The following NCKAP5 variants were observed in gnomAD, a reference collection of about 807,000 sequenced individuals.
NCKAP5 encodes NCK associated protein 5, also known as nck-associated protein 5.
A neutral mutation model predicts 167.0 loss-of-function variants in NCKAP5; 92 were observed. That is an observed-to-expected ratio of 0.55 (90% confidence interval 0.47 to 0.66). The LOEUF (loss-of-function observed/expected upper bound fraction) is 0.66. Ranked by LOEUF, NCKAP5 falls within the 30% of genes least tolerant of loss-of-function variation. The pLI, the probability that NCKAP5 is intolerant of heterozygous loss-of-function variation, is 0.00. For missense variants in NCKAP5, 2,378 were observed against 2,315.0 expected, an observed-to-expected ratio of 1.03 and a Z score of -0.56; for synonymous variants, 891 against 877.4, an observed-to-expected ratio of 1.02 and a Z score of -0.27.
chr2:132,846,134 C>T (rs1445451263), intron 11 of NCKAP5, among the ~76,000 whole-genome samples: 1 of 151,824 alleles, frequency 6.6e-6, no homozygotes, highest in Non-Finnish European at 1.5e-5. Flanking sequence ...TATCAGCGTA[C>T]CTTGGTGAAC....
At chr2:133,287,745 C>T (rs1279913007) in intron 4 of NCKAP5, among the ~76,000 whole-genome samples, 1 of 152,038 alleles carries the variant, frequency 6.6e-6, no homozygotes, top group East Asian at 1.9e-4. Flanking sequence ...GAAGACTGGG[C>T]CCAGGTGGGC....
At chr2:133,134,695 A>G (rs2082727288) in intron 5 of NCKAP5, among the ~76,000 whole-genome samples, 1 of 152,212 alleles carries the variant, frequency 6.6e-6, no homozygotes, top group Admixed American at 6.5e-5. Flanking sequence ...TAGCCTACAC[A>G]TAGCAACAGA....
At chr2:133,512,713 T>C (rs541171981) in intron 3 of NCKAP5, among the ~76,000 whole-genome samples, 22 of 152,318 alleles carry the variant, frequency 1.4e-4, no homozygotes, top group African/African-American at 4.8e-4. Flanking sequence ...GAAGTTTCCC[T>C]GGGAGAAAAA....
At chr2:133,647,473 G>GAAGGGAAGGGAAGGAAAGGA in the NCKAP5 span, among the ~76,000 whole-genome samples, 1 of 62,600 alleles carries the variant, frequency 1.6e-5, no homozygotes, top group African/African-American at 7.5e-5. Flanking sequence ...AAGGGCAAGG[G>GAAGGGAAGGGAAGGAAAGGA]AAGGAAAGGA....
intron 3 of NCKAP5, among the ~76,000 whole-genome samples, chr2:133,404,898 C>T (rs1362745418): frequency 6.6e-6 from 1 of 152,158 alleles, no homozygotes; most frequent in Non-Finnish European, 1.5e-5. Flanking sequence ...TATCAGTTCT[C>T]GACCAGCATT....
At chr2:133,172,857 C>G (rs562261891) in intron 5 of NCKAP5, among the ~76,000 whole-genome samples, 80 of 152,160 alleles carry the variant, frequency 5.3e-4, no homozygotes, top group Admixed American at 2.3e-3. Context: ...CTGTGTTAGC[C>G]AGGGTAGTCT....
At chr2:133,253,510 C>A (rs191806427) in intron 4 of NCKAP5, among the ~76,000 whole-genome samples, 1 of 152,164 alleles carries the variant, frequency 6.6e-6, no homozygotes. Context: ...TCTCTACCAC[C>A]CAAGGCTTCC....
intron 8 of NCKAP5, among the ~76,000 whole-genome samples, chr2:132,953,651 A>G (rs2076260709): frequency 6.6e-6 from 1 of 151,886 alleles, no homozygotes; most frequent in Non-Finnish European, 1.5e-5. Flanking sequence ...AGACAGGCAG[A>G]CAGAGAGAGA....
At chr2:133,318,334 T>C (rs750951089) in intron 3 of NCKAP5, among the ~76,000 whole-genome samples, 7 of 152,220 alleles carry the variant, frequency 4.6e-5, no homozygotes, top group Non-Finnish European at 1.0e-4. Context: ...AAATACAATC[T>C]GTTTCTTGGC....
chr2:133,074,753 G>A (rs1160401312), intron 6 of NCKAP5, among the ~76,000 whole-genome samples: 1 of 152,066 alleles, frequency 6.6e-6, no homozygotes, highest in Admixed American at 6.6e-5. Context: ...GGGATAGGAA[G>A]GAATCAATAA....
chr2:132,717,944 C>A (rs1689528540), intron 19 of NCKAP5, among the ~76,000 whole-genome samples: 1 of 152,112 alleles, frequency 6.6e-6, no homozygotes, highest in South Asian at 2.1e-4. Flanking sequence ...GATCTATAGA[C>A]CCTACTGGGA....
intron 3 of NCKAP5, among the ~76,000 whole-genome samples, chr2:133,453,851 C>T (rs1180275456): frequency 6.6e-6 from 1 of 151,776 alleles, no homozygotes; most frequent in African/African-American, 2.4e-5. Flanking sequence ...GATAGATTTG[C>T]AAAAAATTAA....
chr2:132,714,997 T>C, intron 19 of NCKAP5: 1 of 413,472 alleles, frequency 2.4e-6, no homozygotes, highest in Non-Finnish European at 4.8e-6. Context: ...ACATTTGTCC[T>C]GGTTTTTCCC....
chr2:133,141,418 A>G (rs1029878945), intron 5 of NCKAP5, among the ~76,000 whole-genome samples: 1 of 152,062 alleles, frequency 6.6e-6, no homozygotes, highest in African/African-American at 2.4e-5. Context: ...AGGAAAAAAA[A>G]AAAACACAAC....
At chr2:133,470,128 C>A (rs1378681246) in intron 3 of NCKAP5, among the ~76,000 whole-genome samples, 1 of 152,122 alleles carries the variant, frequency 6.6e-6, no homozygotes, top group Non-Finnish European at 1.5e-5. Context: ...TGCTTTTTCC[C>A]CATCTTTGTG....
At chr2:133,616,114 A>G in the NCKAP5 span, among the ~76,000 whole-genome samples, 54 of 152,116 alleles carry the variant, frequency 3.5e-4, no homozygotes, top group Non-Finnish European at 6.0e-4. Flanking sequence ...GAGAACAAAG[A>G]CACTACATAC....
chr2:132,697,646 T>C (rs376071855), intron 19 of NCKAP5, among the ~76,000 whole-genome samples: 304 of 152,108 alleles, frequency 2.0e-3, no homozygotes, highest in African/African-American at 7.1e-3. Flanking sequence ...GCTAAGTGTA[T>C]GTACACGATG....
At chr2:133,560,679 G>C (rs1688092188) in intron 1 of NCKAP5, among the ~76,000 whole-genome samples, 1 of 152,138 alleles carries the variant, frequency 6.6e-6, no homozygotes. Context: ...TCCTTGACTG[G>C]AAAGTGGGTG....
At chr2:133,008,592 G>T (rs1362268148) in intron 6 of NCKAP5, among the ~76,000 whole-genome samples, 1 of 152,116 alleles carries the variant, frequency 6.6e-6, no homozygotes, top group East Asian at 1.9e-4. Context: ...TTGGTAAAAG[G>T]ATACTTCTAA....
Sources: allele counts gnomAD v4.1 joint callset (sites outside exome capture counted in the v4.1 genomes callset), GRCh38; gene constraint gnomAD v4.1.1; transcripts MANE v1.5; gene names NCBI Gene and HGNC (gene_info 2026-07-23, HGNC 2026-07-21).